The following JARID2 variants were observed in gnomAD, a reference collection of about 807,000 sequenced individuals.
The protein encoded by JARID2 is protein Jumonji.
Under a neutral mutation model 125.6 loss-of-function variants are expected in JARID2, and 21 were observed. The observed-to-expected ratio is 0.17, with a 90% CI of 0.12 to 0.24. JARID2 has a LOEUF of 0.24. Ranked by LOEUF, JARID2 falls within the 10% of genes least tolerant of loss-of-function variation. The pLI, the probability that JARID2 is intolerant of heterozygous loss-of-function variation, is 1.00. For synonymous variants in JARID2, 736 were observed against 661.6 expected, an observed-to-expected ratio of 1.11 and a Z score of -1.73; for missense variants, 1,303 against 1,639.6, an observed-to-expected ratio of 0.79 and a Z score of 3.55.
At chr6:15,312,316 G>A (rs1244159717) in intron 1 of JARID2, among the ~76,000 whole-genome samples, 2 of 152,176 alleles carry the variant, frequency 1.3e-5, no homozygotes, top group South Asian at 2.1e-4. Context: ...GCCTCCCAAA[G>A]TGCTGGGGTT....
chr6:15,400,800 T>TTGCCGCGCGGAATCTGCAC, intron 2 of JARID2: 3 of 1,242,750 alleles, frequency 2.4e-6, no homozygotes, highest in Non-Finnish European at 3.1e-6. Flanking sequence ...GGCCGTCCTA[T>TTGCCGCGCGGAATCTGCAC]TGCCGCGCGG....
intron 1 of JARID2, among the ~76,000 whole-genome samples, chr6:15,264,236 G>A (rs1759994356): frequency 6.6e-6 from 1 of 152,170 alleles, no homozygotes; most frequent in African/African-American, 2.4e-5. Context: ...TGCCTTCCTA[G>A]AACTTCCTGA....
chr6:15,316,826 T>G (rs1762196366), intron 1 of JARID2, among the ~76,000 whole-genome samples: 1 of 152,192 alleles, frequency 6.6e-6, no homozygotes, highest in African/African-American at 2.4e-5. Context: ...TTAACACAGC[T>G]TTGAAAGCAG....
At chr6:15,353,347 A>G (rs1346350987) in intron 1 of JARID2, among the ~76,000 whole-genome samples, 1 of 152,214 alleles carries the variant, frequency 6.6e-6, no homozygotes, top group African/African-American at 2.4e-5. Flanking sequence ...TTACAGTAGA[A>G]ATCTTGAGCT....
intron 5 of JARID2, among the ~76,000 whole-genome samples, chr6:15,484,008 T>A (rs1458297261): frequency 1.3e-5 from 2 of 152,214 alleles, no homozygotes; most frequent in African/African-American, 2.4e-5. Context: ...ACCTACCATT[T>A]TTCGTGCCAT....
intron 1 of JARID2, among the ~76,000 whole-genome samples, chr6:15,317,921 C>T (rs1319007261): frequency 6.6e-6 from 1 of 152,180 alleles, no homozygotes; most frequent in Non-Finnish European, 1.5e-5. Flanking sequence ...TGTTGCTGGC[C>T]AGCAGTGCCT....
In JARID2 at chr6:15,500,940, G is replaced by A. The variant is rs1337884490; in HGVS notation, c.1979G>A (p.Arg660Gln). Residue 660 changes from arginine to glutamine, a missense_variant, in exon 8 of 18, where the codon CGG becomes CAG. By Grantham distance (43) the Arg-to-Gln change is conservative (BLOSUM62 1). Around this residue, in one of 11 missense-constraint regions of JARID2, gnomAD observed 64 missense variants for 166.8 expected, o/e 0.38. Coordinates refer to ENST00000341776, the MANE Select transcript of JARID2 (RefSeq NM_004973.4). ...GCELDLACFFRLINEMGGMQQ... is the reference protein window; with the variant it reads ...GCELDLACFFQLINEMGGMQQ... ...GAGCTCGACCTGGCCTGCTTTTTCCGGCTGATTAATGAGATGGGCGGCATG... is the reference window on the plus strand; with the variant it reads ...GAGCTCGACCTGGCCTGCTTTTTCCAGCTGATTAATGAGATGGGCGGCATG... The A allele has an allele frequency of 1.2e-5, 20 of 1,612,022 alleles. No homozygotes were observed. Among genetic ancestry groups the A allele is most frequent in the Admixed American group, 3.3e-5 (2 of 59,748 alleles).
chr6:15,285,105 G>T (rs1760942761), intron 1 of JARID2, among the ~76,000 whole-genome samples: 1 of 127,392 alleles, frequency 7.8e-6, no homozygotes. Context: ...AGTCTTTCTG[G>T]GTTTTTTTTT....
intron 1 of JARID2, among the ~76,000 whole-genome samples, chr6:15,301,693 A>G (rs1761630397): frequency 6.6e-6 from 1 of 152,220 alleles, no homozygotes; most frequent in Admixed American, 6.5e-5. Flanking sequence ...CTGAGTGAAA[A>G]ACAATAGTTG....
intron 9 of JARID2, among the ~76,000 whole-genome samples, chr6:15,505,503 G>A (rs1396452781): frequency 6.6e-6 from 1 of 152,216 alleles, no homozygotes; most frequent in African/African-American, 2.4e-5. Context: ...AACCAGGACA[G>A]CTGGTCACCC....
chr6:15,293,353 T>C (rs1357326123), intron 1 of JARID2, among the ~76,000 whole-genome samples: 1 of 152,134 alleles, frequency 6.6e-6, no homozygotes, highest in African/African-American at 2.4e-5. Context: ...AAGTGGAGCT[T>C]GCGGTGAGCT....
chr6:15,506,756 C>T (rs1771023750), intron 9 of JARID2, among the ~76,000 whole-genome samples: 1 of 152,202 alleles, frequency 6.6e-6, no homozygotes, highest in South Asian at 2.1e-4. Flanking sequence ...GCATAATGTC[C>T]TCCAGGTTCA....
chr6:15,409,320 G>A (rs954973516), intron 2 of JARID2, among the ~76,000 whole-genome samples: 2 of 152,230 alleles, frequency 1.3e-5, no homozygotes, highest in African/African-American at 4.8e-5. Context: ...TAAAACTGCA[G>A]ATGCTGTGCT....
intron 2 of JARID2, among the ~76,000 whole-genome samples, chr6:15,405,041 A>G (rs1247923924): frequency 6.6e-6 from 1 of 152,172 alleles, no homozygotes; most frequent in East Asian, 1.9e-4. Context: ...GTGTTCTGAA[A>G]TCTGTCGTTC....
chr6:15,369,657 C>G (rs1160747329), intron 1 of JARID2, among the ~76,000 whole-genome samples: 1 of 152,132 alleles, frequency 6.6e-6, no homozygotes, highest in Non-Finnish European at 1.5e-5. Flanking sequence ...TTGACTTGAA[C>G]ATATGATTGA....
intron 1 of JARID2, among the ~76,000 whole-genome samples, chr6:15,316,548 T>G (rs982147660): frequency 6.6e-6 from 1 of 152,148 alleles, no homozygotes; most frequent in Non-Finnish European, 1.5e-5. Flanking sequence ...CTTGCTATTT[T>G]TTTTGAGATG....
chr6:15,398,282 G>A (rs1335498644), intron 2 of JARID2, among the ~76,000 whole-genome samples: 2 of 152,188 alleles, frequency 1.3e-5, no homozygotes, highest in African/African-American at 4.8e-5. Flanking sequence ...TTTATGACTT[G>A]CTCTGATATT....
chr6:15,423,075 C>T (rs1766572517), intron 3 of JARID2, among the ~76,000 whole-genome samples: 2 of 151,258 alleles, frequency 1.3e-5, no homozygotes, highest in Non-Finnish European at 2.9e-5. Context: ...TATCGGCACA[C>T]TGTAACCTCC....
chr6:15,248,065 T>C (rs997292317), intron 1 of JARID2: 1 of 984,736 alleles, frequency 1.0e-6, no homozygotes, highest in African/African-American at 1.8e-5. Context: ...GTGGGGTGGG[T>C]TTTCTTTCTT....
Sources: gnomAD v4.1 joint callset for allele counts (sites outside exome capture counted in the v4.1 genomes callset) on GRCh38, gnomAD v4.1.1 for gene constraint, gnomAD v4.1.1 regional missense constraint, MANE v1.5 for transcripts, NCBI Gene and HGNC (gene_info 2026-07-23, HGNC 2026-07-21) for gene names.